The following DNAAF11 variants were observed in gnomAD, a reference collection of about 807,000 sequenced individuals.
DNAAF11 encodes leucine rich repeat containing 6.
Under a neutral mutation model 60.8 loss-of-function variants are expected in DNAAF11, and 45 were observed. The ratio of observed to expected loss-of-function variants is 0.74; its 90% CI spans 0.58 to 0.95. DNAAF11 has a LOEUF of 0.95. Among genes scored for constraint, DNAAF11 ranks in the 40% least tolerant of loss-of-function variants. The pLI is 0.00. For missense variants in DNAAF11, 546 were observed against 546.2 expected (o/e 1.00, Z 0.00); for synonymous variants, 191 against 183.5 (o/e 1.04, Z -0.33).
chr8:132,601,374 AAG>A (rs1427864844), intron 10 of DNAAF11, among the ~76,000 whole-genome samples: 21 of 152,174 alleles, frequency 1.4e-4, no homozygotes, highest in Non-Finnish European at 8.8e-5. Context: ...GTGATTCTTC[AAG>A]GATCTAGAAC....
intron 7 of DNAAF11, among the ~76,000 whole-genome samples, chr8:132,620,929 C>T (rs1461933585): frequency 6.6e-6 from 1 of 152,052 alleles, no homozygotes; most frequent in African/African-American, 2.4e-5. Context: ...ACTGAGAGGC[C>T]AGGGCTTCTG....
At chr8:132,672,812 G>A (rs1241668301) in intron 1 of DNAAF11, among the ~76,000 whole-genome samples, 1 of 152,182 alleles carries the variant, frequency 6.6e-6, no homozygotes, top group Non-Finnish European at 1.5e-5. Flanking sequence ...CGAAAGCCGG[G>A]AAGCTCGTAT....
intron 10 of DNAAF11, among the ~76,000 whole-genome samples, chr8:132,606,285 A>G (rs938671124): frequency 2.0e-5 from 3 of 152,136 alleles, no homozygotes; most frequent in African/African-American, 7.2e-5. Context: ...ACTTTTTATC[A>G]TTATATTAGA....
At chr8:132,593,945 A>C (rs1170471742) in intron 10 of DNAAF11, among the ~76,000 whole-genome samples, 1 of 152,198 alleles carries the variant, frequency 6.6e-6, no homozygotes, top group East Asian at 1.9e-4. Context: ...AGCTTCTAAA[A>C]GAAAATGTGG....
intron 5 of DNAAF11, among the ~76,000 whole-genome samples, chr8:132,627,159 T>C (rs1820359971): frequency 6.6e-6 from 1 of 152,238 alleles, no homozygotes; most frequent in African/African-American, 2.4e-5. Context: ...TATAATATTC[T>C]ACAATATTCT....
At chr8:132,700,078 T>C in the DNAAF11 span, among the ~76,000 whole-genome samples, 1 of 152,182 alleles carries the variant, frequency 6.6e-6, no homozygotes, top group African/African-American at 2.4e-5. Context: ...TGACGCTGAA[T>C]TGTATACCTT....
At chr8:132,650,306 G>A (rs542182007) in intron 3 of DNAAF11, among the ~76,000 whole-genome samples, 1 of 152,144 alleles carries the variant, frequency 6.6e-6, no homozygotes, top group Admixed American at 6.5e-5. Flanking sequence ...CTCACAGGTG[G>A]GAATTGAACA....
At chr8:132,583,568 C>T in intron 11 of DNAAF11, 126 bp downstream of exon 11, 1 of 723,682 alleles carries the variant, frequency 1.4e-6, no homozygotes, top group Admixed American at 2.4e-5. Context: ...TAAACATTAA[C>T]ATTCATGGTA....
upstream of DNAAF11, among the ~76,000 whole-genome samples, chr8:132,675,931 A>G (rs2130928005): frequency 6.6e-6 from 1 of 152,256 alleles, no homozygotes; most frequent in Admixed American, 6.5e-5. Context: ...CCCCAACTCT[A>G]CCAGCGGCGT....
intron 10 of DNAAF11, among the ~76,000 whole-genome samples, chr8:132,598,419 C>G (rs28678601): frequency 0.026 from 4,021 of 152,206 alleles, 205 homozygotes; most frequent in African/African-American, 0.092. Context: ...CCCCAGGTTA[C>G]AGGGTTATTG....
chr8:132,604,189 A>G (rs1817919192), intron 10 of DNAAF11, among the ~76,000 whole-genome samples: 1 of 152,174 alleles, frequency 6.6e-6, no homozygotes, highest in Admixed American at 6.6e-5. Flanking sequence ...AACACTATAG[A>G]CCCACTTGAC....
upstream of DNAAF11, chr8:132,675,728 AGTCTTC>A: frequency 2.4e-6 from 1 of 419,380 alleles, no homozygotes; most frequent in Non-Finnish European, 4.3e-6. Context: ...ACCCAAACCC[AGTCTTC>A]GTCCTCGTCG....
At chr8:132,682,983 G>T in the DNAAF11 span, among the ~76,000 whole-genome samples, 1 of 152,136 alleles carries the variant, frequency 6.6e-6, no homozygotes. Context: ...ATTTATGAGG[G>T]ATCTGCTCCC....
At chr8:132,685,383 G>A in the DNAAF11 span, among the ~76,000 whole-genome samples, 1 of 152,118 alleles carries the variant, frequency 6.6e-6, no homozygotes, top group African/African-American at 2.4e-5. Flanking sequence ...CTTGAAATGA[G>A]GCCCCTGGGG....
At chr8:132,619,751 T>A (rs556322649) in intron 7 of DNAAF11, among the ~76,000 whole-genome samples, 31 of 152,232 alleles carry the variant, frequency 2.0e-4, no homozygotes, top group African/African-American at 7.5e-4. Flanking sequence ...TAGAATTTGT[T>A]TGCACATGTG....
intron 3 of DNAAF11, among the ~76,000 whole-genome samples, chr8:132,644,852 A>G (rs933420696): frequency 3.9e-5 from 6 of 152,172 alleles, no homozygotes; most frequent in Non-Finnish European, 8.8e-5. Flanking sequence ...AACTGGGTGG[A>G]GCCCACCACA....
intron 10 of DNAAF11, among the ~76,000 whole-genome samples, chr8:132,584,517 C>T (rs1815676381): frequency 2.0e-5 from 3 of 152,142 alleles, no homozygotes; most frequent in Admixed American, 2.0e-4. Flanking sequence ...TTAATTTCTC[C>T]ACCCCTCAAC....
intron 11 of DNAAF11, chr8:132,578,269 T>C: frequency 2.0e-6 from 1 of 502,364 alleles, no homozygotes; most frequent in South Asian, 3.8e-5. Flanking sequence ...AATTCAGATG[T>C]TGTGAGGAAT....
At chr8:132,573,868 C>A (rs1490500100) in intron 11 of DNAAF11, among the ~76,000 whole-genome samples, 1 of 152,046 alleles carries the variant, frequency 6.6e-6, no homozygotes, top group East Asian at 1.9e-4. Context: ...ACAAAATATA[C>A]AAAGAATATA....
Sources: gnomAD v4.1 joint callset for allele counts (sites outside exome capture counted in the v4.1 genomes callset) on GRCh38, gnomAD v4.1.1 for gene constraint, MANE v1.5 for transcripts, NCBI Gene and HGNC (gene_info 2026-07-23, HGNC 2026-07-21) for gene names.